The following BRIP1 variants were observed in gnomAD, a reference collection of about 807,000 sequenced individuals.
BRIP1 encodes BRCA1 interacting DNA helicase 1.
In BRIP1, 88 loss-of-function variants were observed where a neutral mutation model predicts 119.7. The ratio of observed to expected loss-of-function variants is 0.74; its 90% CI spans 0.62 to 0.88. The LOEUF is 0.88. Among genes scored for constraint, BRIP1 ranks in the 40% least tolerant of loss-of-function variants. The probability of loss-of-function intolerance (pLI) is 0.00; values close to 1 mark genes in which losing one functional copy is unlikely to be tolerated. For synonymous variants in BRIP1, 443 were observed against 496.5 expected, an observed-to-expected ratio of 0.89 and a Z score of 1.43; for missense variants, 1,259 against 1,455.4, an observed-to-expected ratio of 0.87 and a Z score of 2.20.
rs1015780031 is a variant in BRIP1 at position 61,842,919 on chromosome 17, G to A, written c.627+4182C>T. 2.0e-5 allele frequency among the ~76,000 whole-genome samples: 3 copies of A among 152,174 alleles called. No individual in the cohort carries two copies. The highest frequency in any genetic ancestry group is 7.2e-5 in the African/African-American group (3 of 41,454). ...ATCAAGGTTATACAGTTAATAAAGA[G>A]TAGAGCTATGATTAAAATCCAAGCA... On this transcript the variant is annotated intron_variant, in intron 6 of 19. Coordinates refer to ENST00000259008, the MANE Select transcript of BRIP1 (RefSeq NM_032043.3). The surrounding 1 kb of genome is among the most constrained non-coding windows in gnomAD (Gnocchi z 5.1).
In BRIP1 at chr17:61,775,426, A is replaced by G. The variant is rs1057172770; in HGVS notation, c.2097+975T>C. Among the ~76,000 whole-genome samples the G allele has an allele frequency of 6.6e-6, 1 of 152,130 alleles. No individual in the cohort carries two copies. Among genetic ancestry groups the G allele is most frequent in the African/African-American group, 2.4e-5 (1 of 41,446 alleles). On this transcript the variant is annotated intron_variant, in intron 14 of 19. Transcript: ENST00000259008. This position sits in a 1 kb window ranked among gnomAD's most constrained non-coding sequence, Gnocchi z 4.4. ...TCAAAAGTATCAATATTGTCATTCA[A>G]ATATATTACTTCCAAATGCTTCTGT...
chr17:61,790,784 G>C (rs114370899), intron 10 of BRIP1, among the ~76,000 whole-genome samples: 1 of 151,476 alleles, frequency 6.6e-6, no homozygotes, highest in Non-Finnish European at 1.5e-5. Context: ...GGACTACAGC[G>C]CATGCCACCA....
rs1429035249 is a variant in BRIP1, at chr17:61,742,091, T to C, written c.2379+922A>G. On this transcript the variant is annotated intron_variant, in intron 16 of 19. Transcript: ENST00000259008. This position sits in a 1 kb window ranked among gnomAD's most constrained non-coding sequence, Gnocchi z 4.7. ...TTGCTGTAGCTTCTCCATCAGCACCTGCTGCATTAACTTGCACTTTTAAGT... is the reference window on the plus strand; with the variant it reads ...TTGCTGTAGCTTCTCCATCAGCACCCGCTGCATTAACTTGCACTTTTAAGT... Among the ~76,000 whole-genome samples the C allele has an allele frequency of 1.3e-5, 2 of 152,266 alleles. No homozygotes were observed. Among genetic ancestry groups the C allele is most frequent in the Non-Finnish European group, 2.9e-5 (2 of 68,046 alleles).
chr17:61,801,213 T>A, intron 8 of BRIP1, 40 bp downstream of exon 8: 1 of 1,545,384 alleles, frequency 6.5e-7, no homozygotes, highest in East Asian at 2.2e-5. Context: ...TACATCTCCA[T>A]GAGTAGGAAG....
rs1179573891 is a variant in BRIP1, at chr17:61,717,807, T to C, written c.2380-1744A>G. On this transcript the variant is annotated intron_variant, in intron 16 of 19. Transcript: ENST00000259008. This position sits in a 1 kb window ranked among gnomAD's most constrained non-coding sequence, Gnocchi z 4.1. ...TCTTCTTAGACTCCAATTACAACTA[T>C]ATTAGACTACTTTATATTACTCCAC... Among the ~76,000 whole-genome samples, 1 of 152,120 alleles carries C rather than the reference T, an allele frequency of 6.6e-6. No individual in the cohort carries two copies.
rs1306158523 is a variant in BRIP1 at position 61,742,208 on chromosome 17, A to G, written c.2379+805T>C. On this transcript the variant is annotated intron_variant, in intron 16 of 19. Transcript: ENST00000259008. This position sits in a 1 kb window ranked among gnomAD's most constrained non-coding sequence, Gnocchi z 4.7. ...CCTCCTCACCTCTCTCAGCTTTCAC[A>G]GAATTGAAGAGAGTTAGGGCCTTGC... 6.6e-6 allele frequency among the ~76,000 whole-genome samples: 1 copy of G among 152,220 alleles called. No individual in the cohort carries two copies.
At chr17:61,836,915 G>A (rs1248384428) in intron 6 of BRIP1, among the ~76,000 whole-genome samples, 1 of 152,150 alleles carries the variant, frequency 6.6e-6, no homozygotes, top group Non-Finnish European at 1.5e-5. Flanking sequence ...TGGTTTAGAG[G>A]ATCAATTCCA....
In BRIP1 at chr17:61,806,810, G is replaced by A. The variant is rs2078080493; in HGVS notation, c.918+1657C>T. ...CCTCCTGGGTTCAAGCGATTCTCAT[G>A]CCTCAGCCTCCCAAGTAGCTGGGAT... On this transcript the variant is annotated intron_variant, in intron 7 of 19. Coordinates refer to ENST00000259008, the MANE Select transcript of BRIP1 (RefSeq NM_032043.3). This position sits in a 1 kb window ranked among gnomAD's most constrained non-coding sequence, Gnocchi z 4.9. Among the ~76,000 whole-genome samples the A allele has an allele frequency of 6.6e-6, 1 of 152,142 alleles. No individual in the cohort carries two copies. Among genetic ancestry groups the A allele is most frequent in the Non-Finnish European group, 1.5e-5 (1 of 68,024 alleles).
At chr17:61,773,023 A>G (rs1424480545) in intron 14 of BRIP1, among the ~76,000 whole-genome samples, 9 of 151,956 alleles carry the variant, frequency 5.9e-5, no homozygotes, top group African/African-American at 2.2e-4. Flanking sequence ...ATTATGTATA[A>G]GAATTATTTT....
Position 61,811,943 on chromosome 17 carries a change from T to C in BRIP1, c.628-3186A>G, listed in dbSNP as rs534558420. On this transcript the variant is annotated intron_variant, in intron 6 of 19. Coordinates refer to ENST00000259008, the MANE Select transcript of BRIP1 (RefSeq NM_032043.3). ...CTCCAGCCTGGGTGACAGAGCAAGA[T>C]TCCATCTCAAAAAATAAATAAATAA... Among the ~76,000 whole-genome samples, 14 of 152,046 alleles carry C rather than the reference T, an allele frequency of 9.2e-5. No individual in the cohort carries two copies. The South Asian group carries it at 2.7e-3, about 29-fold the overall frequency.
In BRIP1 at chr17:61,690,178, A is replaced by G. The variant is rs988848139; in HGVS notation, c.2575+3252T>C. On this transcript the variant is annotated intron_variant, in intron 18 of 19. Transcript: ENST00000259008. The surrounding 1 kb of genome is among the most constrained non-coding windows in gnomAD (Gnocchi z 5.6). ...TTTCCAGATAAGCAAAAGCTGAGGG[A>G]CTTCACCACTAAACGTGCCTTACAA... Among the ~76,000 whole-genome samples the G allele has an allele frequency of 2.0e-5, 3 of 152,336 alleles. No homozygotes were observed. Among genetic ancestry groups the G allele is most frequent in the South Asian group, 2.1e-4 (1 of 4,824 alleles).
Position 61,725,343 on chromosome 17 carries a change from T to C in BRIP1, c.2380-9280A>G, listed in dbSNP as rs1050077596. Among the ~76,000 whole-genome samples, 1 of 152,346 alleles carries C rather than the reference T, an allele frequency of 6.6e-6. No homozygotes were observed. Among genetic ancestry groups the C allele is most frequent in the South Asian group, 2.1e-4 (1 of 4,834 alleles). On this transcript the variant is annotated intron_variant, in intron 16 of 19. Transcript: ENST00000259008. This position sits in a 1 kb window ranked among gnomAD's most constrained non-coding sequence, Gnocchi z 5.3. ...TAGTAACAGCAATATATTTCACATATGCTTTAAGACTGTTTTGGATAAGGT... is the reference window on the plus strand; with the variant it reads ...TAGTAACAGCAATATATTTCACATACGCTTTAAGACTGTTTTGGATAAGGT...
At position 61,828,031 on chromosome 17, in the gene BRIP1, T is replaced by A. The variant is rs548470038; in HGVS notation, c.627+19070A>T. Among the ~76,000 whole-genome samples, 3 of 152,160 alleles carry A rather than the reference T, an allele frequency of 2.0e-5. No individual in the cohort carries two copies. The highest frequency in any genetic ancestry group is 4.4e-5 in the Non-Finnish European group (3 of 68,026). On this transcript the variant is annotated intron_variant, in intron 6 of 19. Coordinates refer to ENST00000259008, the MANE Select transcript of BRIP1 (RefSeq NM_032043.3). The surrounding 1 kb of genome is among the most constrained non-coding windows in gnomAD (Gnocchi z 4.1). ...CAAAAACTTAAATATAGAATTACCA[T>A]ATGGTCCAGAAATTCCACTCTTAGG...
rs920731781 is a variant in BRIP1 at position 61,679,431 on chromosome 17, TA to T, written c.*3864del. On this transcript the variant is annotated 3_prime_UTR_variant, in exon 20 of 20. Coordinates refer to ENST00000259008, the MANE Select transcript of BRIP1 (RefSeq NM_032043.3). The surrounding 1 kb of genome is among the most constrained non-coding windows in gnomAD (Gnocchi z 4.4). ...TATTCCAAGAATAAAGCCCTGTCTC[TA>T]ACTGGTAGTTTTCCTGGTTTGCAGC... 5.3e-5 allele frequency among the ~76,000 whole-genome samples: 8 copies of T among 152,226 alleles called. No individual in the cohort carries two copies. The highest frequency in any genetic ancestry group is 5.2e-4 in the Admixed American group (8 of 15,290).
In BRIP1 at chr17:61,735,696, G is replaced by A. The variant is rs2076908247; in HGVS notation, c.2379+7317C>T. Among the ~76,000 whole-genome samples the A allele has an allele frequency of 6.6e-6, 1 of 151,938 alleles. No homozygotes were observed. Among genetic ancestry groups the A allele is most frequent in the Non-Finnish European group, 1.5e-5 (1 of 67,994 alleles). The stretch of plus-strand genomic sequence containing the variant: ...TGTGGCTGTAGTGCCAGCTACCCAG[G>A]AGGCTGAGGTGGGAGGATCACCTGA... On this transcript the variant is annotated intron_variant, in intron 16 of 19. Transcript: ENST00000259008. This position sits in a 1 kb window ranked among gnomAD's most constrained non-coding sequence, Gnocchi z 4.4.
rs1603275526 is a variant in BRIP1, at chr17:61,683,972, G to T, written c.3074C>A (p.Ser1025Ter). 2 of 1,614,116 alleles carry T rather than the reference G, an allele frequency of 1.2e-6. No individual in the cohort carries two copies. The highest frequency in any genetic ancestry group is 2.2e-5 in the South Asian group (2 of 91,066). ...AGGACTAGAGGCACTATTCTCTGAT[G>T]ACCCGAGCTCAGGTGTTGCCTTCGG... Reference protein sequence around the residue: ...KIPKATPELGSSENSASSPPR... With the variant: ...KIPKATPELG The change falls in exon 20 of 20, where the codon TCA (serine) becomes TAA (stop). Residue 1025 changes from serine to a stop codon, truncating the protein, a stop_gained. Coordinates refer to ENST00000259008, the MANE Select transcript of BRIP1 (RefSeq NM_032043.3). LOFTEE classifies it low-confidence loss of function (END_TRUNC). The surrounding 1 kb of genome is among the most constrained non-coding windows in gnomAD (Gnocchi z 4.7).
rs1391690780 is a variant in BRIP1 at position 61,849,143 on chromosome 17, C to G, written c.493G>C (p.Glu165Gln). 2 of 1,613,398 alleles carry G rather than the reference C, an allele frequency of 1.2e-6. No homozygotes were observed. The highest frequency in any genetic ancestry group is 1.7e-6 in the Non-Finnish European group (2 of 1,179,726). Residue 165 changes from glutamate (E) to glutamine (Q), a missense_variant, in exon 5 of 20, where the codon GAA becomes CAA. Coordinates refer to ENST00000259008, the MANE Select transcript of BRIP1 (RefSeq NM_032043.3). ...QVEKKRIRPL[E>Q]TTQQIRKRHC... Reference sequence around the variant, plus strand: ...ACTCTGTTTACCTGCTGTGTAGTTTCTAAGGGTCGAATTCTTTTCTTCTCT... The same window carrying G: ...ACTCTGTTTACCTGCTGTGTAGTTTGTAAGGGTCGAATTCTTTTCTTCTCT...
In BRIP1 at chr17:61,804,412, G is replaced by A. The variant is rs1225713043; in HGVS notation, c.919-2938C>T. Among the ~76,000 whole-genome samples the A allele has an allele frequency of 9.8e-5, 3 of 30,548 alleles. No individual in the cohort carries two copies. Among genetic ancestry groups the A allele is most frequent in the Non-Finnish European group, 1.8e-4 (3 of 16,254 alleles). The allele number at this position is 30,548 out of a possible 152,430, so 20.0% of individuals were successfully genotyped here. On this transcript the variant is annotated intron_variant, in intron 7 of 19. Coordinates refer to ENST00000259008, the MANE Select transcript of BRIP1 (RefSeq NM_032043.3). This position sits in a 1 kb window ranked among gnomAD's most constrained non-coding sequence, Gnocchi z 4.5. ...GACTTTGAGGCAGCTATATACATAT[G>A]TGTGTGTGTGTGTGTGTGTGTGTGT...
At chr17:61,821,499 T>C (rs931961602) in intron 6 of BRIP1, among the ~76,000 whole-genome samples, 3 of 152,044 alleles carry the variant, frequency 2.0e-5, no homozygotes, top group Non-Finnish European at 4.4e-5. Flanking sequence ...CATTCTCTTT[T>C]TTTTTCTTGT....
Sources: gnomAD v4.1 joint callset for allele counts (sites outside exome capture counted in the v4.1 genomes callset) on GRCh38, gnomAD v4.1.1 for gene constraint, Gnocchi (gnomAD v3.1) non-coding constraint, MANE v1.5 for transcripts, NCBI Gene and HGNC (gene_info 2026-07-23, HGNC 2026-07-21) for gene names.